The following IL23R variants were observed in gnomAD, a reference collection of about 807,000 sequenced individuals.
The protein encoded by IL23R is interleukin-23 receptor.
IL23R carries 34 observed loss-of-function variants against 56.9 expected under a neutral mutation model. That is an observed-to-expected ratio of 0.60 (90% CI 0.45 to 0.80). IL23R has a LOEUF of 0.80. Ranked by LOEUF, IL23R falls within the 30% of genes least tolerant of loss-of-function variation. The pLI is 0.00. For synonymous variants in IL23R, 230 were observed against 249.2 expected, an observed-to-expected ratio of 0.92 and a Z score of 0.73; for missense variants, 635 against 730.0, an observed-to-expected ratio of 0.87 and a Z score of 1.50.
intron 7 of IL23R, among the ~76,000 whole-genome samples, chr1:67,232,298 G>C (rs1229191009): frequency 6.6e-6 from 1 of 152,124 alleles, no homozygotes; most frequent in African/African-American, 2.4e-5. Flanking sequence ...GTGCTAAATG[G>C]GTTAGCACAG....
At chr1:67,258,345 G>A (rs557004061) in intron 10 of IL23R, 133 bp from the exon 11 acceptor site, 29 of 613,468 alleles carry the variant, frequency 4.7e-5, no homozygotes, top group African/African-American at 4.5e-4. Flanking sequence ...AATCATATGG[G>A]AAGATAAACA....
intron 7 of IL23R, among the ~76,000 whole-genome samples, chr1:67,220,244 C>G (rs1650152889): frequency 6.6e-6 from 1 of 151,986 alleles, no homozygotes; most frequent in South Asian, 2.1e-4. Context: ...TGGCAGGTGC[C>G]TGTAATCTCA....
chr1:67,246,354 CT>C (rs1652222443), intron 9 of IL23R, among the ~76,000 whole-genome samples: 1 of 152,124 alleles, frequency 6.6e-6, no homozygotes, highest in African/African-American at 2.4e-5. Context: ...CTTCTGCTAG[CT>C]TTTGAATTTG....
At chr1:67,229,437 C>T (rs1379885589) in intron 7 of IL23R, among the ~76,000 whole-genome samples, 1 of 152,138 alleles carries the variant, frequency 6.6e-6, no homozygotes, top group Non-Finnish European at 1.5e-5. Context: ...GTTCAGCTAT[C>T]CTGAAGCTCC....
upstream of IL23R, among the ~76,000 whole-genome samples, chr1:67,162,488 C>A (rs935887340): frequency 6.6e-6 from 1 of 151,950 alleles, no homozygotes; most frequent in South Asian, 2.1e-4. Context: ...AAAAAAAATC[C>A]CATTTATGTT....
chr1:67,189,168 C>T (rs1426917280), intron 4 of IL23R, among the ~76,000 whole-genome samples: 1 of 151,946 alleles, frequency 6.6e-6, no homozygotes, highest in Non-Finnish European at 1.5e-5. Flanking sequence ...TTCATTCAAA[C>T]TAGAATGTAG....
intron 8 of IL23R, among the ~76,000 whole-genome samples, chr1:67,239,700 C>A (rs574316702): frequency 3.4e-4 from 51 of 152,014 alleles, no homozygotes; most frequent in African/African-American, 1.0e-3. Flanking sequence ...AAGTGGATGT[C>A]CTTTCTCAGC....
chr1:67,241,446 C>T (rs1050937747), intron 9 of IL23R, among the ~76,000 whole-genome samples: 1 of 152,138 alleles, frequency 6.6e-6, no homozygotes, highest in Non-Finnish European at 1.5e-5. Flanking sequence ...GAGTCTAGTG[C>T]ATGAGCTCAG....
chr1:67,263,838 T>C (rs1653276761), downstream of IL23R, among the ~76,000 whole-genome samples: 1 of 148,854 alleles, frequency 6.7e-6, no homozygotes, highest in African/African-American at 2.5e-5. Context: ...CACTCCAGCC[T>C]AGGCAACAGA....
chr1:67,140,766 GATA>G (rs1413212455), intron 1 of IL23R, among the ~76,000 whole-genome samples: 2 of 152,014 alleles, frequency 1.3e-5, no homozygotes, highest in African/African-American at 2.4e-5. Flanking sequence ...TTTAAAAGTT[GATA>G]ATAACATCTA....
intron 9 of IL23R, among the ~76,000 whole-genome samples, chr1:67,242,374 A>G (rs1439103126): frequency 1.3e-5 from 2 of 152,188 alleles, no homozygotes; most frequent in Admixed American, 6.5e-5. Context: ...CATATACCCC[A>G]TAATACACAC....
rs533083651 is a variant in IL23R, at chr1:67,245,961, G to T, written c.1148+5680G>T. On this transcript the variant is annotated intron_variant, in intron 9 of 10. Coordinates refer to ENST00000347310, the MANE Select transcript of IL23R (RefSeq NM_144701.3). ...GTCCTGGACTTTTTTTGATTGGTAG[G>T]CTATTAATTACTGCCTCAATTTCAG... Among the ~76,000 whole-genome samples, 34 of 152,184 alleles carry T rather than the reference G, an allele frequency of 2.2e-4. 2 individuals carry two copies. The South Asian group carries it at 6.7e-3, about 30-fold the overall frequency.
rs1649115534 is a variant in IL23R at position 67,206,975 on chromosome 1, AT to A, written c.721del (p.Tyr241IlefsTer15). ...TINATVPKTI[I>X]YWDSQTTIEK... is the part of the protein sequence containing the mutation. ...AAATGCTACAGTGCCCAAGACCATA[AT>A]TTATTGGGATAGTCAAACAACAATT... On this transcript the variant is annotated frameshift_variant, in exon 6 of 11. Coordinates refer to ENST00000347310, the MANE Select transcript of IL23R (RefSeq NM_144701.3). LOFTEE classifies it high-confidence loss of function. 1.9e-6 allele frequency: 3 copies of A among 1,612,216 alleles called. No homozygotes were observed. Among genetic ancestry groups the A allele is most frequent in the Non-Finnish European group, 2.5e-6 (3 of 1,179,700 alleles).
At position 67,252,200 on chromosome 1, in the gene IL23R, C is replaced by T. The variant is rs1652668975; in HGVS notation, c.1149-3637C>T. ...ATTTTTACCTAAAATATTGGCTTTG[C>T]TTTCAGGTTCCCTTGATGAACTTAG... On this transcript the variant is annotated intron_variant, in intron 9 of 10. Transcript: ENST00000347310. Among the ~76,000 whole-genome samples the T allele has an allele frequency of 3.3e-5, 5 of 152,182 alleles. No individual in the cohort carries two copies. The South Asian group carries it at 1.0e-3, about 32-fold the overall frequency.
At chr1:67,199,639 A>G (rs1648453594) in intron 4 of IL23R, among the ~76,000 whole-genome samples, 1 of 152,170 alleles carries the variant, frequency 6.6e-6, no homozygotes, top group African/African-American at 2.4e-5. Context: ...TATGGCATGC[A>G]TATGTATACA....
At chr1:67,200,637 G>T in intron 4 of IL23R, 100 bp from the exon 5 acceptor site, 1 of 1,177,892 alleles carries the variant, frequency 8.5e-7, no homozygotes, top group Non-Finnish European at 1.2e-6. Flanking sequence ...CAACCCGCTT[G>T]GTCTCCCAAA....
chr1:67,219,795 G>A lies in IL23R; in HGVS notation c.955+65G>A, dbSNP rs906676096. On this transcript the variant is annotated intron_variant, in intron 7 of 10. Coordinates refer to ENST00000347310, the MANE Select transcript of IL23R (RefSeq NM_144701.3). Reference sequence around the variant, plus strand: ...TTATATATCTTTTCTGCTGAGCACAGTGGCTCACACCTATAATTCCAGCAC... The same window carrying A: ...TTATATATCTTTTCTGCTGAGCACAATGGCTCACACCTATAATTCCAGCAC... 5.5e-6 allele frequency: 8 copies of A among 1,463,912 alleles called. No individual in the cohort carries two copies. In the African/African-American group the frequency reaches 1.1e-4, roughly 20 times the overall value. The allele number at this position is 1,463,912 out of a possible 1,614,324, so 90.7% of individuals were successfully genotyped here. A position where few individuals can be genotyped will look rare whatever the true frequency, so the allele number is the denominator to read the frequency against.
intron 8 of IL23R, among the ~76,000 whole-genome samples, chr1:67,238,731 G>C (rs555586560): frequency 6.6e-6 from 1 of 152,274 alleles, no homozygotes; most frequent in African/African-American, 2.4e-5. Context: ...TGACCTGAGG[G>C]CTGTCTATCC....
At chr1:67,243,913 T>G (rs1335408657) in intron 9 of IL23R, among the ~76,000 whole-genome samples, 1 of 152,212 alleles carries the variant, frequency 6.6e-6, no homozygotes, top group Non-Finnish European at 1.5e-5. Flanking sequence ...TGAACTCATT[T>G]ACACTCCCAC....
Sources: allele counts gnomAD v4.1 joint callset (sites outside exome capture counted in the v4.1 genomes callset), GRCh38; gene constraint gnomAD v4.1.1; transcripts MANE v1.5; gene names NCBI Gene and HGNC (gene_info 2026-07-23, HGNC 2026-07-21).